Variants in PTPRU observed in about 807,000 individuals in gnomAD.
PTPRU encodes protein tyrosine phosphatase receptor type U, also known as receptor-type tyrosine-protein phosphatase U.
Under a neutral mutation model 166.3 loss-of-function variants are expected in PTPRU, and 69 were observed. The ratio of observed to expected loss-of-function variants is 0.41; its 90% confidence interval spans 0.34 to 0.51. The LOEUF is 0.51. Ranked by LOEUF, PTPRU falls within the 20% of genes least tolerant of loss-of-function variation. The pLI, the probability that PTPRU is intolerant of heterozygous loss-of-function variation, is 0.09. For missense variants in PTPRU, 1,657 were observed against 2,013.7 expected (o/e 0.82, Z 3.39); for synonymous variants, 793 against 814.0 (o/e 0.97, Z 0.44).
chr1:29,249,718 G>A (rs1684465857), intron 1 of PTPRU, among the ~76,000 whole-genome samples: 1 of 152,200 alleles, frequency 6.6e-6, no homozygotes, highest in Non-Finnish European at 1.5e-5. Context: ...TCTGACATCT[G>A]ACTCTGGACC....
chr1:29,304,976 G>A, intron 17 of PTPRU, 127 bp downstream of exon 17: 2 of 773,092 alleles, frequency 2.6e-6, no homozygotes, highest in East Asian at 2.7e-5. Flanking sequence ...TTTATTGAGG[G>A]CCTACCACAC....
Position 29,305,336 on chromosome 1 carries a change from T to C in PTPRU, c.2744-16T>C. On this transcript the variant is annotated splice_polypyrimidine_tract_variant and intron_variant, in intron 17 of 29. Coordinates refer to ENST00000373779, the MANE Select transcript of PTPRU (RefSeq NM_133178.4). ...CTCCCCAGTTCAGCCCCTGCCCACC[T>C]GCTCTGTGTTTACAGATGATCGGCA... 1 of 1,613,544 alleles carries C rather than the reference T, an allele frequency of 6.2e-7. No individual in the cohort carries two copies. Among genetic ancestry groups the C allele is most frequent in the African/African-American group, 1.3e-5 (1 of 75,042 alleles).
At chr1:29,314,117 A>G (rs187875941) in intron 22 of PTPRU, among the ~76,000 whole-genome samples, 72 of 152,332 alleles carry the variant, frequency 4.7e-4, no homozygotes, top group Non-Finnish European at 8.1e-4. Flanking sequence ...TCGTCCATCA[A>G]GTGAATAAAT....
chr1:29,254,099 T>A (rs1684669513), intron 1 of PTPRU, among the ~76,000 whole-genome samples: 2 of 152,138 alleles, frequency 1.3e-5, no homozygotes, highest in Non-Finnish European at 2.9e-5. Flanking sequence ...ACATCATCTG[T>A]CAAATCGGGA....
Position 29,325,749 on chromosome 1 carries a change from G to A in PTPRU, c.*88G>A. 7.4e-7 allele frequency: 1 copy of A among 1,352,290 alleles called. No individual in the cohort carries two copies. The highest frequency in any genetic ancestry group is 1.0e-6 in the Non-Finnish European group (1 of 988,850). 83.8% of individuals were successfully genotyped at this position (1,352,290 alleles called of 1,614,324 possible). ...GAGGAAGATCAGTGCCTCCTGCTCT[G>A]CCCAAACACACTCCCATGGGGCAAG... On this transcript the variant is annotated 3_prime_UTR_variant, in exon 30 of 30. Coordinates refer to ENST00000373779, the MANE Select transcript of PTPRU (RefSeq NM_133178.4).
intron 14 of PTPRU, among the ~76,000 whole-genome samples, chr1:29,286,103 C>A (rs1052400553): frequency 6.6e-5 from 10 of 152,168 alleles, no homozygotes; most frequent in African/African-American, 2.4e-4. Flanking sequence ...TGGCTGGGGC[C>A]ACCTTGCCTG....
In PTPRU at chr1:29,255,316, T is replaced by C. The variant is rs1393487236; in HGVS notation, c.115T>C (p.Cys39Arg). The C allele has an allele frequency of 5.0e-6, 8 of 1,613,892 alleles. No homozygotes were observed. Among genetic ancestry groups the C allele is most frequent in the Non-Finnish European group, 6.8e-6 (8 of 1,179,956 alleles). ...FEEASDPAVPCEYSQAQYDDF... is the reference protein window; with the variant it reads ...FEEASDPAVPREYSQAQYDDF... Reference sequence around the variant, plus strand: ...GGAGGCAAGTGACCCAGCAGTGCCCTGCGAGTACAGCCAGGCCCAGTACGA... The same window carrying C: ...GGAGGCAAGTGACCCAGCAGTGCCCCGCGAGTACAGCCAGGCCCAGTACGA... Residue 39 changes from cysteine to arginine, a missense_variant, in exon 2 of 30, where the codon TGC (cysteine) becomes CGC (arginine). Cys to Arg is a radical substitution (Grantham distance 180). Around this residue, in one of 3 missense-constraint regions of PTPRU, gnomAD observed 453 missense variants for 496.9 expected, o/e 0.91. Transcript: ENST00000373779.
At chr1:29,274,234 C>A (rs980599258) in intron 7 of PTPRU, among the ~76,000 whole-genome samples, 1 of 151,960 alleles carries the variant, frequency 6.6e-6, no homozygotes, top group African/African-American at 2.4e-5. Context: ...AGAGACGGGG[C>A]TTCACCATAT....
intron 15 of PTPRU, among the ~76,000 whole-genome samples, chr1:29,297,364 C>G (rs1027195258): frequency 6.6e-6 from 1 of 152,100 alleles, no homozygotes; most frequent in African/African-American, 2.4e-5. Flanking sequence ...TGCTTAGTAG[C>G]TGTTATTAAC....
intron 7 of PTPRU, among the ~76,000 whole-genome samples, chr1:29,269,625 T>C (rs1276883564): frequency 1.3e-5 from 2 of 152,006 alleles, no homozygotes; most frequent in Non-Finnish European, 2.9e-5. Flanking sequence ...TGGCCGGCAG[T>C]TGTTTTGCTG....
At chr1:29,288,638 C>G (rs1686475116) in intron 14 of PTPRU, among the ~76,000 whole-genome samples, 3 of 152,166 alleles carry the variant, frequency 2.0e-5, no homozygotes, top group Admixed American at 2.0e-4. Context: ...TTCCGCTCTC[C>G]TCCCCTTCAT....
At chr1:29,323,526 A>T in intron 27 of PTPRU, 30 bp downstream of exon 27, 3 of 1,611,900 alleles carry the variant, frequency 1.9e-6, no homozygotes, top group Non-Finnish European at 2.5e-6. Context: ...CCAGGGAAGG[A>T]CCCTGGGTGG....
chr1:29,317,230 G>A lies in PTPRU; in HGVS notation c.3514-518G>A, dbSNP rs1458957844. Among the ~76,000 whole-genome samples the A allele has an allele frequency of 2.6e-5, 4 of 152,130 alleles. No homozygotes were observed. The highest frequency in any genetic ancestry group is 3.9e-4 in the East Asian group (2 of 5,192). Reference sequence around the variant, plus strand: ...GAGATCCAGGTGTGATTCAGTGCCCGGTGCTTAGGACTTCATTCTGTTCAG... The same window carrying A: ...GAGATCCAGGTGTGATTCAGTGCCCAGTGCTTAGGACTTCATTCTGTTCAG... On this transcript the variant is annotated intron_variant, in intron 24 of 29. Coordinates refer to ENST00000373779, the MANE Select transcript of PTPRU (RefSeq NM_133178.4). This position sits in a 1 kb window ranked among gnomAD's most constrained non-coding sequence, Gnocchi z 5.6.
chr1:29,248,366 G>T (rs1274118149), intron 1 of PTPRU, among the ~76,000 whole-genome samples: 1 of 152,136 alleles, frequency 6.6e-6, no homozygotes, highest in East Asian at 1.9e-4. Context: ...TTCCAGGCTT[G>T]GGCTGGGCTG....
intron 7 of PTPRU, among the ~76,000 whole-genome samples, chr1:29,263,070 C>T (rs1685144472): frequency 6.6e-6 from 1 of 152,174 alleles, no homozygotes; most frequent in African/African-American, 2.4e-5. Flanking sequence ...CTGCAACCTC[C>T]ACCTCCTGGG....
chr1:29,304,961 C>T (rs912868940), intron 17 of PTPRU, 112 bp downstream of exon 17: 2 of 956,070 alleles, frequency 2.1e-6, no homozygotes, highest in African/African-American at 1.6e-5. Context: ...TAGCATTGGC[C>T]ACCTTTTATT....
At chr1:29,240,510 C>T (rs1049492728) in intron 1 of PTPRU, among the ~76,000 whole-genome samples, 2 of 152,056 alleles carry the variant, frequency 1.3e-5, no homozygotes, top group Non-Finnish European at 2.9e-5. Flanking sequence ...ACCAGGTTTC[C>T]CTCCAGGAAT....
chr1:29,320,597 G>A lies in PTPRU; in HGVS notation c.3688-88G>A. 7.2e-7 allele frequency: 1 copy of A among 1,395,120 alleles called. No homozygotes were observed. The highest frequency in any genetic ancestry group is 1.6e-5 in the South Asian group (1 of 63,092). The allele number at this position is 1,395,120 out of a possible 1,614,324, so 86.4% of individuals were successfully genotyped here. ...GGGCACAACCGTCCAACTCAGGGTG[G>A]GCAGTGCGGGAAGACAGCCTGGGGC... On this transcript the variant is annotated intron_variant, in intron 25 of 29. Transcript: ENST00000373779. This position sits in a 1 kb window ranked among gnomAD's most constrained non-coding sequence, Gnocchi z 5.2.
In PTPRU at chr1:29,236,751, G is replaced by A. The variant is rs1449158305; in HGVS notation, c.73+34G>A. 4.3e-6 allele frequency: 6 copies of A among 1,391,508 alleles called. No individual in the cohort carries two copies. The highest frequency in any genetic ancestry group is 5.6e-6 in the Non-Finnish European group (6 of 1,075,906). 86.2% of individuals were successfully genotyped at this position (1,391,508 alleles called of 1,614,324 possible). A position where few individuals can be genotyped will look rare whatever the true frequency, so the allele number is the denominator to read the frequency against. ...GCGGCGGCCGGACCGAGCCTGCCCC[G>A]CCGAGCCTCGGGGCCCGTGGCGTAG... On this transcript the variant is annotated intron_variant, in intron 1 of 29. Coordinates refer to ENST00000373779, the MANE Select transcript of PTPRU (RefSeq NM_133178.4). The surrounding 1 kb of genome is among the most constrained non-coding windows in gnomAD (Gnocchi z 4.6).
Sources: allele counts gnomAD v4.1 joint callset (sites outside exome capture counted in the v4.1 genomes callset), GRCh38; gene constraint gnomAD v4.1.1; regional missense constraint gnomAD v4.1.1; non-coding constraint Gnocchi (gnomAD v3.1); transcripts MANE v1.5; gene names NCBI Gene and HGNC (gene_info 2026-07-23, HGNC 2026-07-21).